RPTOR: variants seen among roughly 807,000 people sequenced by gnomAD.
The protein encoded by RPTOR is regulatory associated protein of MTOR complex 1, also known as regulatory-associated protein of mTOR.
Under a neutral mutation model 169.9 loss-of-function variants are expected in RPTOR, and 21 were observed. The observed-to-expected ratio is 0.12, with a 90% confidence interval of 0.09 to 0.18. The LOEUF (loss-of-function observed/expected upper bound fraction) is 0.18, where lower values mean the gene tolerates loss of function less well. Ranked by LOEUF, RPTOR falls within the 10% of genes least tolerant of loss-of-function variation. The pLI is 1.00. For missense variants in RPTOR, 1,133 were observed against 1,855.9 expected (o/e 0.61, Z 7.16); for synonymous variants, 732 against 753.2 (o/e 0.97, Z 0.46).
chr17:80,716,048 T>C (rs2143135469), intron 4 of RPTOR, among the ~76,000 whole-genome samples: 1 of 152,362 alleles, frequency 6.6e-6, no homozygotes, highest in African/African-American at 2.4e-5. Context: ...GTATCTTTTG[T>C]GTATAATGAC....
Position 80,949,947 on chromosome 17 carries a change from G to A in RPTOR, c.3370+400G>A, listed in dbSNP as rs578252603. On this transcript the variant is annotated intron_variant, in intron 28 of 33. Coordinates refer to ENST00000306801, the MANE Select transcript of RPTOR (RefSeq NM_020761.3). ...TTAACTCCTCCTTGGGGGTCGGGGT[G>A]CACATGGCCATCTGGGGCCTCACGC... Among the ~76,000 whole-genome samples the A allele has an allele frequency of 8.5e-5, 13 of 152,374 alleles. No homozygotes were observed. In the South Asian group the frequency reaches 2.7e-3, roughly 32 times the overall value.
chr17:80,862,484 G>A (rs1390187453), intron 13 of RPTOR, among the ~76,000 whole-genome samples: 1 of 150,934 alleles, frequency 6.6e-6, no homozygotes, highest in East Asian at 2.0e-4. Flanking sequence ...ACCCCCCCAT[G>A]ATGTGTGCAC....
At chr17:80,641,561 G>T (rs8072592) in intron 2 of RPTOR, among the ~76,000 whole-genome samples, 114,282 of 152,152 alleles carry the variant, frequency 0.75, 43,906 homozygotes, top group African/African-American at 0.9. Context: ...TCCTGCGGGT[G>T]TGGCTCTAGA....
intron 3 of RPTOR, among the ~76,000 whole-genome samples, chr17:80,700,577 GTGA>G (rs1346222854): frequency 1.4e-5 from 2 of 147,234 alleles, no homozygotes; most frequent in East Asian, 4.1e-4. Flanking sequence ...GATGGTGATG[GTGA>G]TGATGGAAGT....
chr17:80,880,313 G>A lies in RPTOR; in HGVS notation c.1510-102G>A, dbSNP rs191056898. On this transcript the variant is annotated intron_variant, in intron 13 of 33. Transcript: ENST00000306801. ...GGCTTGAAAGGAGGAAATAATTGAGGTATAAGAAGTCCCTGCCCTTATTCG... is the reference window on the plus strand; with the variant it reads ...GGCTTGAAAGGAGGAAATAATTGAGATATAAGAAGTCCCTGCCCTTATTCG... The A allele has an allele frequency of 3.1e-3, 2,873 of 938,020 alleles. 4 individuals carry two copies. The highest frequency in any genetic ancestry group is 4.6e-3 in the Admixed American group (268 of 57,722). The allele number at this position is 938,020 out of a possible 1,614,324, so 58.1% of individuals were successfully genotyped here.
chr17:80,961,743 G>A (rs1223187961), intron 31 of RPTOR: 1 of 443,690 alleles, frequency 2.3e-6, no homozygotes, highest in Admixed American at 4.0e-5. Context: ...GTTCCGGGGG[G>A]AGTTGGGCAG....
intron 7 of RPTOR, among the ~76,000 whole-genome samples, chr17:80,818,416 T>C (rs922558210): frequency 5.3e-5 from 8 of 152,184 alleles, no homozygotes; most frequent in African/African-American, 1.4e-4. Context: ...CATACACCAA[T>C]AGGCTTCTTC....
chr17:80,773,299 T>C (rs572378168), intron 6 of RPTOR, among the ~76,000 whole-genome samples: 1 of 152,258 alleles, frequency 6.6e-6, no homozygotes, highest in Admixed American at 6.5e-5. Context: ...TGGGGACTTC[T>C]CTGTTCGCAC....
chr17:80,662,844 G>C (rs910823722), intron 3 of RPTOR, among the ~76,000 whole-genome samples: 8 of 152,108 alleles, frequency 5.3e-5, no homozygotes, highest in African/African-American at 1.9e-4. Flanking sequence ...TGAACCAGGA[G>C]GGGACCAGTT....
intron 1 of RPTOR, among the ~76,000 whole-genome samples, chr17:80,608,844 C>CT (rs1238814128): frequency 3.3e-5 from 5 of 152,226 alleles, no homozygotes; most frequent in Non-Finnish European, 7.3e-5. Flanking sequence ...ACAGGTGCTT[C>CT]TGCGCGTGGT....
intron 3 of RPTOR, among the ~76,000 whole-genome samples, chr17:80,694,758 C>G (rs533670505): frequency 6.6e-6 from 1 of 152,202 alleles, no homozygotes; most frequent in South Asian, 2.1e-4. Context: ...ATCAGGTTGT[C>G]GTGAGCTCCT....
intron 6 of RPTOR, among the ~76,000 whole-genome samples, chr17:80,784,977 T>G (rs1356344526): frequency 6.6e-6 from 1 of 152,158 alleles, no homozygotes; most frequent in Non-Finnish European, 1.5e-5. Context: ...CCACCCGCCT[T>G]GGCCTCCCAA....
rs1201311674 is a variant in RPTOR, at chr17:80,609,074, A to C, written c.163-16617A>C. 6.6e-6 allele frequency among the ~76,000 whole-genome samples: 1 copy of C among 152,188 alleles called. No individual in the cohort carries two copies. The highest frequency in any genetic ancestry group is 1.5e-5 in the Non-Finnish European group (1 of 68,018). On this transcript the variant is annotated intron_variant, in intron 1 of 33. Coordinates refer to ENST00000306801, the MANE Select transcript of RPTOR (RefSeq NM_020761.3). This position sits in a 1 kb window ranked among gnomAD's most constrained non-coding sequence, Gnocchi z 4.8. ...TGGGAGGAGGAAGTGGCCATGCTGC[A>C]GGTGCCCTAACAGATCCAGGGAAGC...
At chr17:80,883,365 G>C (rs2143838119) in intron 14 of RPTOR, 54 bp from the exon 15 acceptor site, 1 of 1,496,390 alleles carries the variant, frequency 6.7e-7, no homozygotes, top group Non-Finnish European at 9.3e-7. Flanking sequence ...TTGTACTTTG[G>C]GAATGAGAGT....
intron 13 of RPTOR, among the ~76,000 whole-genome samples, chr17:80,867,442 G>A (rs1238920337): frequency 6.6e-6 from 1 of 151,886 alleles, no homozygotes; most frequent in Non-Finnish European, 1.5e-5. Context: ...CAAACTTACA[G>A]CCAACACCAT....
chr17:80,718,058 A>G (rs1215584744), intron 4 of RPTOR, among the ~76,000 whole-genome samples: 1 of 152,084 alleles, frequency 6.6e-6, no homozygotes, highest in Non-Finnish European at 1.5e-5. Flanking sequence ...TTAGAGTTCC[A>G]TTGTGACCAG....
chr17:80,773,992 C>T (rs1454484926), intron 6 of RPTOR: 1 of 985,336 alleles, frequency 1.0e-6, no homozygotes, highest in African/African-American at 1.7e-5. Flanking sequence ...CTCGGGCTGT[C>T]AGAAAGGACG....
intron 13 of RPTOR, among the ~76,000 whole-genome samples, chr17:80,863,046 A>G (rs2063785): frequency 0.17 from 25,295 of 152,224 alleles, 2,659 homozygotes; most frequent in Non-Finnish European, 0.22. Flanking sequence ...CGTGTGTCCC[A>G]TTGTGCCAGA....
At chr17:80,705,700 T>C (rs2066137266) in intron 3 of RPTOR, among the ~76,000 whole-genome samples, 1 of 152,190 alleles carries the variant, frequency 6.6e-6, no homozygotes, top group Non-Finnish European at 1.5e-5. Flanking sequence ...TTATTTTCTT[T>C]ATTTTTATTT....
Sources: allele counts gnomAD v4.1 joint callset (sites outside exome capture counted in the v4.1 genomes callset), GRCh38; gene constraint gnomAD v4.1.1; non-coding constraint Gnocchi (gnomAD v3.1); transcripts MANE v1.5; gene names NCBI Gene and HGNC (gene_info 2026-07-23, HGNC 2026-07-21).